Variants in GRIK4 observed in about 807,000 individuals in gnomAD.
GRIK4 encodes glutamate receptor ionotropic, kainate 4.
A neutral mutation model predicts 104.9 loss-of-function variants in GRIK4; 40 were observed. That is an observed-to-expected ratio of 0.38 (90% CI 0.30 to 0.50). The LOEUF (loss-of-function observed/expected upper bound fraction) is 0.50, where lower values mean the gene tolerates loss of function less well. Ranked by LOEUF, GRIK4 falls within the 20% of genes least tolerant of loss-of-function variation. GRIK4 has a pLI of 0.93. For missense variants in GRIK4, 1,047 were observed against 1,308.1 expected (o/e 0.80, Z 3.08); for synonymous variants, 485 against 524.9 (o/e 0.92, Z 1.04).
chr11:120,685,808 T>C (rs759984720), intron 3 of GRIK4, among the ~76,000 whole-genome samples: 1 of 152,188 alleles, frequency 6.6e-6, no homozygotes, highest in Admixed American at 6.5e-5. Flanking sequence ...CTCTTATTGC[T>C]AACAACTCCT....
In GRIK4 at chr11:120,985,910, G is replaced by C; in HGVS notation, c.2521G>C (p.Val841Leu). ...LRHSEATEVS[V>L]CQEMVTELRS... ...ACCTCGCTGTCTCCTCCAGGTGTCCGTCTGCCAGGAGATGGTGACCGAGCT... is the reference window on the plus strand; with the variant it reads ...ACCTCGCTGTCTCCTCCAGGTGTCCCTCTGCCAGGAGATGGTGACCGAGCT... The change falls in exon 21 of 21, where the codon GTC becomes CTC. Residue 841 changes from valine (V) to leucine (L), a missense_variant. By Grantham distance (32) the Val-to-Leu change is conservative. Transcript: ENST00000527524. 1 of 1,551,740 alleles carries C rather than the reference G, an allele frequency of 6.4e-7. No homozygotes were observed. Among genetic ancestry groups the C allele is most frequent in the East Asian group, 2.4e-5 (1 of 41,066 alleles).
intron 9 of GRIK4, chr11:120,869,135 AG>A (rs1954523391): frequency 6.6e-6 from 1 of 152,658 alleles, no homozygotes; most frequent in Admixed American, 6.5e-5. Flanking sequence ...TGCAGGCACA[AG>A]GGTTGGGAGG....
chr11:120,810,989 C>G (rs1055243642), intron 4 of GRIK4, among the ~76,000 whole-genome samples: 2 of 152,136 alleles, frequency 1.3e-5, no homozygotes, highest in African/African-American at 4.8e-5. Context: ...TAATTCCCCC[C>G]ACAAGTGTTC....
intron 3 of GRIK4, among the ~76,000 whole-genome samples, chr11:120,711,917 G>A (rs971675695): frequency 5.3e-5 from 8 of 152,210 alleles, no homozygotes; most frequent in African/African-American, 7.2e-5. Flanking sequence ...TACCCATTCC[G>A]TGGTCTGAGT....
chr11:120,577,735 C>G (rs1361179911), intron 1 of GRIK4, among the ~76,000 whole-genome samples: 1 of 152,204 alleles, frequency 6.6e-6, no homozygotes, highest in Non-Finnish European at 1.5e-5. Context: ...AATTATACCA[C>G]TGGGCAGCTG....
In GRIK4 at chr11:120,967,134, A is replaced by G; in HGVS notation, c.2267-61A>G. 1 of 1,546,354 alleles carries G rather than the reference A, an allele frequency of 6.5e-7. No individual in the cohort carries two copies. The highest frequency in any genetic ancestry group is 8.8e-7 in the Non-Finnish European group (1 of 1,140,800). On this transcript the variant is annotated intron_variant, in intron 18 of 20. Transcript: ENST00000527524. This position sits in a 1 kb window ranked among gnomAD's most constrained non-coding sequence, Gnocchi z 4.2. ...CAGGAGGTGTGCCGGGAAGGGGAGC[A>G]GAGTGACACCTAACAGGGCATTCAC...
chr11:120,664,634 C>T (rs955533570), intron 3 of GRIK4, among the ~76,000 whole-genome samples: 3 of 152,172 alleles, frequency 2.0e-5, no homozygotes, highest in African/African-American at 7.2e-5. Flanking sequence ...GCTGATGACC[C>T]CCTGGAAACA....
intron 10 of GRIK4, 132 bp from the exon 11 acceptor site, chr11:120,875,007 T>G: frequency 1.5e-6 from 1 of 656,474 alleles, no homozygotes; most frequent in Non-Finnish European, 2.8e-6. Context: ...TGGCTGTGTG[T>G]GGGCAGGAGA....
At chr11:120,944,960 G>A (rs1943821817) in intron 14 of GRIK4, among the ~76,000 whole-genome samples, 1 of 151,018 alleles carries the variant, frequency 6.6e-6, no homozygotes, top group South Asian at 2.1e-4. Context: ...TATATTAATT[G>A]TTCCTTCATA....
chr11:120,965,949 T>C (rs994428122), intron 18 of GRIK4, among the ~76,000 whole-genome samples: 3 of 152,144 alleles, frequency 2.0e-5, no homozygotes, highest in Non-Finnish European at 4.4e-5. Flanking sequence ...CTTCATGGAG[T>C]TTGAGCAAGG....
At chr11:120,812,906 TG>T (rs1952857990) in intron 4 of GRIK4, among the ~76,000 whole-genome samples, 1 of 151,916 alleles carries the variant, frequency 6.6e-6, no homozygotes, top group Non-Finnish European at 1.5e-5. Flanking sequence ...ATTTGGTGGG[TG>T]GGAGAAGGAA....
rs1239125937 is a variant in GRIK4, at chr11:120,953,054, G to T, written c.1700+90G>T. On this transcript the variant is annotated intron_variant, in intron 15 of 20. Transcript: ENST00000527524. This position sits in a 1 kb window ranked among gnomAD's most constrained non-coding sequence, Gnocchi z 4.9. ...GGGGAGGGGGTGGGGAGGAGGAGAGGGGGAGGAGGAGTTGGGAAGATCTTG... is the reference window on the plus strand; with the variant it reads ...GGGGAGGGGGTGGGGAGGAGGAGAGTGGGAGGAGGAGTTGGGAAGATCTTG... 7 of 813,400 alleles carry T rather than the reference G, an allele frequency of 8.6e-6. 1 individual carries two copies. Among genetic ancestry groups the T allele is most frequent in the African/African-American group, 5.1e-5 (3 of 58,908 alleles). 50.4% of individuals were successfully genotyped at this position (813,400 alleles called of 1,614,324 possible).
chr11:120,617,951 A>G (rs1949137351), intron 1 of GRIK4, among the ~76,000 whole-genome samples: 1 of 152,204 alleles, frequency 6.6e-6, no homozygotes, highest in Non-Finnish European at 1.5e-5. Context: ...TGCTATAAAG[A>G]TACCTGAAAA....
At chr11:120,667,881 T>A (rs1443052053) in intron 3 of GRIK4, among the ~76,000 whole-genome samples, 2 of 152,194 alleles carry the variant, frequency 1.3e-5, no homozygotes, top group Non-Finnish European at 2.9e-5. Flanking sequence ...AGTCTAATGC[T>A]CAACCCTGAC....
intron 1 of GRIK4, among the ~76,000 whole-genome samples, chr11:120,533,287 A>G (rs562334125): frequency 6.6e-6 from 1 of 152,334 alleles, no homozygotes; most frequent in East Asian, 1.9e-4. Context: ...AGGGTTAATA[A>G]TATCTACAGA....
chr11:120,844,272 C>T (rs1953797286), intron 8 of GRIK4, among the ~76,000 whole-genome samples: 1 of 152,142 alleles, frequency 6.6e-6, no homozygotes, highest in Non-Finnish European at 1.5e-5. Flanking sequence ...AATGTCACTT[C>T]CCCAAGGAAG....
At chr11:120,535,224 G>T (rs573698976) in intron 1 of GRIK4, among the ~76,000 whole-genome samples, 25 of 152,134 alleles carry the variant, frequency 1.6e-4, no homozygotes, top group African/African-American at 5.8e-4. Context: ...GTGGGTGGCA[G>T]ATGGGGGTCC....
At chr11:120,829,100 A>G (rs1193776188) in intron 6 of GRIK4, among the ~76,000 whole-genome samples, 1 of 152,150 alleles carries the variant, frequency 6.6e-6, no homozygotes, top group Admixed American at 6.5e-5. Flanking sequence ...AAGATTCTTC[A>G]TGCTCCATTC....
chr11:120,901,537 T>G (rs1413488350), intron 12 of GRIK4, among the ~76,000 whole-genome samples: 1 of 152,144 alleles, frequency 6.6e-6, no homozygotes, highest in Non-Finnish European at 1.5e-5. Flanking sequence ...TTTCTCTTAT[T>G]AGAGGTCATT....
Sources: gnomAD v4.1 joint callset for allele counts (sites outside exome capture counted in the v4.1 genomes callset) on GRCh38, gnomAD v4.1.1 for gene constraint, Gnocchi (gnomAD v3.1) non-coding constraint, MANE v1.5 for transcripts, NCBI Gene and HGNC (gene_info 2026-07-23, HGNC 2026-07-21) for gene names.